The following PFKFB4 variants were observed in gnomAD, a reference collection of about 807,000 sequenced individuals.
PFKFB4 encodes the protein 6-phosphofructo-2-kinase/fructose-2,6-bisphosphatase 4.
PFKFB4 carries 42 observed loss-of-function variants against 62.8 expected under a neutral mutation model. That is an observed-to-expected ratio of 0.67 (90% CI 0.52 to 0.86). PFKFB4 has a LOEUF of 0.86. PFKFB4 is among the 40% of genes least tolerant of loss of function. The pLI is 0.00. For missense variants in PFKFB4, 475 were observed against 627.2 expected, an observed-to-expected ratio of 0.76 and a Z score of 2.59; for synonymous variants, 204 against 240.7, an observed-to-expected ratio of 0.85 and a Z score of 1.41.
At chr3:48,535,993 G>A (rs1476291914) in intron 8 of PFKFB4, among the ~76,000 whole-genome samples, 1 of 152,206 alleles carries the variant, frequency 6.6e-6, no homozygotes, top group Non-Finnish European at 1.5e-5. Context: ...ATGGACTCAG[G>A]TCGCTCTAAG....
chr3:48,549,928 C>T lies in PFKFB4; in HGVS notation c.247G>A (p.Val83Ile). Residue 83 changes from valine to isoleucine, a missense_variant, in exon 3 of 14, where the codon GTC becomes ATC. Val to Ile is a conservative substitution (Grantham distance 29, BLOSUM62 3). Transcript: ENST00000232375. Reference protein sequence around the residue: ...FNVGQYRRDVVKTYKSFEFFL... With the variant: ...FNVGQYRRDVIKTYKSFEFFL... ...AATTCAAAAGATTTGTAGGTCTTGA[C>T]CACGTCCCGGCGATACTGGCCAACA... 6.2e-7 allele frequency: 1 copy of T among 1,613,832 alleles called. No homozygotes were observed. The highest frequency in any genetic ancestry group is 8.5e-7 in the Non-Finnish European group (1 of 1,179,698).
intron 9 of PFKFB4, among the ~76,000 whole-genome samples, chr3:48,531,917 A>G (rs1575367526): frequency 6.6e-6 from 1 of 152,262 alleles, no homozygotes; most frequent in Admixed American, 6.5e-5. Flanking sequence ...ACAAGTGTTG[A>G]CAAGGATGTG....
intron 9 of PFKFB4, among the ~76,000 whole-genome samples, chr3:48,533,505 A>G (rs963286835): frequency 3.9e-5 from 6 of 152,180 alleles, no homozygotes; most frequent in African/African-American, 1.4e-4. Flanking sequence ...CCAAGCCATG[A>G]TGGAGCAACT....
intron 1 of PFKFB4, among the ~76,000 whole-genome samples, chr3:48,551,118 G>A (rs1265166134): frequency 6.6e-6 from 1 of 152,176 alleles, no homozygotes; most frequent in African/African-American, 2.4e-5. Flanking sequence ...AGGCACGGAA[G>A]GATCTGAATA....
upstream of PFKFB4, among the ~76,000 whole-genome samples, chr3:48,558,334 T>G (rs976151341): frequency 6.6e-6 from 1 of 152,142 alleles, no homozygotes; most frequent in Non-Finnish European, 1.5e-5. Flanking sequence ...TGAGCCACAC[T>G]GCCCTCTAGC....
chr3:48,550,194 GC>G lies in PFKFB4; in HGVS notation c.137del (p.Gly46AlafsTer14). On this transcript the variant is annotated frameshift_variant, in exon 2 of 14. Transcript: ENST00000232375. LOFTEE classifies it high-confidence loss of function. ...TGTAGGTCTTGCCCCTGGCGGGCAG[GC>G]CCACCATGACAATGAGAGTTGGGCA... ...TNCPTLIVMV[G>X]LPARGKTYIS... 6.2e-7 allele frequency: 1 copy of G among 1,614,108 alleles called. No homozygotes were observed. Among genetic ancestry groups the G allele is most frequent in the Non-Finnish European group, 8.5e-7 (1 of 1,179,920 alleles).
intron 4 of PFKFB4, among the ~76,000 whole-genome samples, chr3:48,540,930 C>T (rs937265852): frequency 2.0e-5 from 3 of 151,436 alleles, no homozygotes; most frequent in African/African-American, 7.3e-5. Context: ...ACTTGTGCCA[C>T]CACGCCTGGC....
At chr3:48,535,379 A>G (rs2042565620) in intron 9 of PFKFB4, 133 bp downstream of exon 9, 3 of 791,824 alleles carry the variant, frequency 3.8e-6, no homozygotes, top group Admixed American at 5.5e-5. Flanking sequence ...CTCTGCTCCC[A>G]GCCCCTAGGT....
intron 9 of PFKFB4, among the ~76,000 whole-genome samples, chr3:48,526,650 C>T (rs534335003): frequency 7.4e-5 from 11 of 148,268 alleles, no homozygotes; most frequent in South Asian, 4.3e-4. Flanking sequence ...CTTTTAAGAA[C>T]GCCATGTAGG....
intron 4 of PFKFB4, 142 bp downstream of exon 4, chr3:48,543,438 G>C: frequency 2.7e-6 from 2 of 735,604 alleles, no homozygotes; most frequent in Non-Finnish European, 4.8e-6. Context: ...AGCTGTTGCA[G>C]ACTTCCTCCC....
intron 9 of PFKFB4, among the ~76,000 whole-genome samples, chr3:48,528,725 CA>C (rs1404913508): frequency 6.6e-6 from 1 of 152,116 alleles, no homozygotes; most frequent in African/African-American, 2.4e-5. Flanking sequence ...CCACATAGCC[CA>C]AAAGTGGCAA....
rs1356862880 is a variant in PFKFB4, at chr3:48,536,394, G to A, written c.702C>T (p.Ile234=). Residue 234 remains isoleucine, a synonymous_variant, in exon 8 of 14, where the codon ATC becomes ATT. Coordinates refer to ENST00000232375, the MANE Select transcript of PFKFB4 (RefSeq NM_004567.4). ...TGAGGTAATATACGATGCGGCTCTG[G>A]ATGTGGTCAGCCACACGGTTCACCA... is the stretch of plus-strand genomic sequence containing the variant. ...SYVVNRVADH[I]QSRIVYYLMN... 5 of 1,614,100 alleles carry A rather than the reference G, an allele frequency of 3.1e-6. No homozygotes were observed. Among genetic ancestry groups the A allele is most frequent in the Non-Finnish European group, 4.2e-6 (5 of 1,180,036 alleles).
intron 9 of PFKFB4, among the ~76,000 whole-genome samples, chr3:48,529,052 T>C (rs894582958): frequency 1.3e-5 from 2 of 152,084 alleles, no homozygotes. Flanking sequence ...TATTTATTTT[T>C]TTAGAGACTG....
At chr3:48,530,200 C>T (rs1042635582) in intron 9 of PFKFB4, among the ~76,000 whole-genome samples, 2 of 152,106 alleles carry the variant, frequency 1.3e-5, no homozygotes, top group Admixed American at 1.3e-4. Flanking sequence ...TTACAGTGAG[C>T]TGAGATTGCA....
At chr3:48,534,619 T>C (rs1170603529) in intron 9 of PFKFB4, among the ~76,000 whole-genome samples, 1 of 147,808 alleles carries the variant, frequency 6.8e-6, no homozygotes, top group Admixed American at 6.9e-5. Flanking sequence ...TACAGTGAGC[T>C]ATGATTGCAC....
At position 48,521,840 on chromosome 3, in the gene PFKFB4, G is replaced by A. The variant is rs908255803; in HGVS notation, c.1350+146C>T. On this transcript the variant is annotated intron_variant, in intron 13 of 13. Transcript: ENST00000232375. The surrounding 1 kb of genome is among the most constrained non-coding windows in gnomAD (Gnocchi z 5.3). The stretch of plus-strand genomic sequence containing the variant: ...AGGCCCCACCCAGAGCCAGGGCCCC[G>A]CCCTGCTGATGGGACAACAGTCTTG... 4.9e-5 allele frequency: 35 copies of A among 719,482 alleles called. No individual in the cohort carries two copies. Among genetic ancestry groups the A allele is most frequent in the African/African-American group, 1.4e-4 (8 of 57,296 alleles). The allele number at this position is 719,482 out of a possible 1,614,324, so 44.6% of individuals were successfully genotyped here. A position where few individuals can be genotyped will look rare whatever the true frequency, so the allele number is the denominator to read the frequency against.
intron 9 of PFKFB4, among the ~76,000 whole-genome samples, chr3:48,531,791 A>G (rs2042436021): frequency 6.6e-6 from 1 of 151,982 alleles, no homozygotes; most frequent in Non-Finnish European, 1.5e-5. Flanking sequence ...AGACCCTGTC[A>G]CTTAAAAAAA....
At chr3:48,526,510 T>G (rs1356029260) in intron 9 of PFKFB4, among the ~76,000 whole-genome samples, 7 of 149,934 alleles carry the variant, frequency 4.7e-5, no homozygotes, top group Non-Finnish European at 8.9e-5. Flanking sequence ...GAGGTGGAGA[T>G]TGCAGTGAGC....
intron 1 of PFKFB4, among the ~76,000 whole-genome samples, chr3:48,551,935 T>C (rs1560179665): frequency 2.0e-5 from 3 of 152,146 alleles, no homozygotes; most frequent in Non-Finnish European, 4.4e-5. Context: ...GGTAAAACCA[T>C]AGCAGACAGG....
Sources: allele counts gnomAD v4.1 joint callset (sites outside exome capture counted in the v4.1 genomes callset), GRCh38; gene constraint gnomAD v4.1.1; non-coding constraint Gnocchi (gnomAD v3.1); transcripts MANE v1.5; gene names NCBI Gene and HGNC (gene_info 2026-07-23, HGNC 2026-07-21).